The following TTLL5 variants were observed in gnomAD, a reference collection of about 807,000 sequenced individuals.
TTLL5 encodes tubulin polyglutamylase TTLL5.
Under a neutral mutation model 168.4 loss-of-function variants are expected in TTLL5, and 132 were observed. The observed-to-expected ratio is 0.78, with a 90% CI of 0.68 to 0.91. The LOEUF (loss-of-function observed/expected upper bound fraction) is 0.91. Ranked by LOEUF, TTLL5 falls within the 40% of genes least tolerant of loss-of-function variation. The probability of loss-of-function intolerance (pLI) is 0.00; values close to 1 mark genes in which losing one functional copy is unlikely to be tolerated. For synonymous variants in TTLL5, 546 were observed against 558.6 expected, an observed-to-expected ratio of 0.98 and a Z score of 0.32; for missense variants, 1,545 against 1,581.5, an observed-to-expected ratio of 0.98 and a Z score of 0.39.
At chr14:75,734,942 C>A (rs1888789466) in intron 14 of TTLL5, among the ~76,000 whole-genome samples, 1 of 152,224 alleles carries the variant, frequency 6.6e-6, no homozygotes, top group Non-Finnish European at 1.5e-5. Flanking sequence ...CTCTTTCTCA[C>A]TCAGAATCAC....
intron 27 of TTLL5, among the ~76,000 whole-genome samples, chr14:75,799,605 T>G (rs529351674): frequency 1.3e-5 from 2 of 152,326 alleles, no homozygotes; most frequent in African/African-American, 4.8e-5. Context: ...TTGGTGTATT[T>G]CGAGGTTTTG....
rs1555344551 is a variant in TTLL5 at position 75,773,949 on chromosome 14, G to GAGAA, written c.2137-1532_2137-1531insAAGA. Among the ~76,000 whole-genome samples, 163 of 46,324 alleles carry GAGAA rather than the reference G, an allele frequency of 3.5e-3. 3 individuals carry two copies. Among genetic ancestry groups the GAGAA allele is most frequent in the African/African-American group, 9.6e-3 (122 of 12,722 alleles). The allele number at this position is 46,324 out of a possible 152,430, so 30.4% of individuals were successfully genotyped here. A position where few individuals can be genotyped will look rare whatever the true frequency, so the allele number is the denominator to read the frequency against. On this transcript the variant is annotated intron_variant, in intron 21 of 31. Transcript: ENST00000298832. The stretch of plus-strand genomic sequence containing the variant: ...ATATAGAGAGAGAGAGAGAGAGAGA[G>GAGAA]AGAGAGAAAGAGAGAGAGAGAGAGA...
chr14:75,689,911 G>T (rs997424367), intron 5 of TTLL5: 8 of 300,316 alleles, frequency 2.7e-5, no homozygotes, highest in African/African-American at 4.5e-5. Context: ...TGTGGTGGTG[G>T]TTACATAATT....
intron 28 of TTLL5, among the ~76,000 whole-genome samples, chr14:75,857,246 T>C (rs1429906611): frequency 6.6e-6 from 1 of 152,224 alleles, no homozygotes; most frequent in African/African-American, 2.4e-5. Flanking sequence ...ACGGTATTAA[T>C]ATATGACTTT....
intron 31 of TTLL5, among the ~76,000 whole-genome samples, chr14:75,928,423 T>G (rs1341235554): frequency 4.1e-5 from 6 of 146,640 alleles, no homozygotes; most frequent in Non-Finnish European, 1.5e-5. Context: ...ATTTTATTTA[T>G]AAAATTCATC....
intron 21 of TTLL5, 60 bp from the exon 22 acceptor site, chr14:75,775,424 T>A (rs1891658876): frequency 6.3e-7 from 1 of 1,583,242 alleles, no homozygotes; most frequent in African/African-American, 1.4e-5. Flanking sequence ...TCATAGCTTG[T>A]CTTCTGTTGC....
At chr14:75,941,843 C>CTTT (rs71122506) in intron 31 of TTLL5, among the ~76,000 whole-genome samples, 19 of 69,402 alleles carry the variant, frequency 2.7e-4, no homozygotes, top group African/African-American at 4.1e-4. Flanking sequence ...TCATGATGAA[C>CTTT]TTTTTTTTTT....
intron 5 of TTLL5, among the ~76,000 whole-genome samples, chr14:75,686,899 C>T (rs1026933262): frequency 2.0e-5 from 3 of 152,068 alleles, no homozygotes; most frequent in Non-Finnish European, 4.4e-5. Context: ...GTAAAACACA[C>T]AGGGGTCCTA....
chr14:75,900,694 T>A (rs977179376), intron 30 of TTLL5, among the ~76,000 whole-genome samples: 3 of 152,194 alleles, frequency 2.0e-5, no homozygotes, highest in Non-Finnish European at 4.4e-5. Flanking sequence ...AGTCATTATA[T>A]ATGCAATTTC....
chr14:75,876,872 T>A (rs1231680910), intron 29 of TTLL5, among the ~76,000 whole-genome samples: 1 of 152,210 alleles, frequency 6.6e-6, no homozygotes, highest in Non-Finnish European at 1.5e-5. Context: ...TGCATAAAAG[T>A]CTGGATGTGT....
chr14:75,926,156 CTTTTTTTTT>C (rs34048806), intron 31 of TTLL5, among the ~76,000 whole-genome samples: 52 of 29,954 alleles, frequency 1.7e-3, no homozygotes, highest in African/African-American at 9.3e-3. Flanking sequence ...GCAACCCCAG[CTTTTTTTTT>C]TTTTTTTTTT....
At chr14:75,781,784 G>T (rs752887962) in intron 24 of TTLL5, among the ~76,000 whole-genome samples, 2 of 151,970 alleles carry the variant, frequency 1.3e-5, no homozygotes, top group Admixed American at 6.6e-5. Context: ...GTGAAAGCCT[G>T]TCTCTACTAA....
intron 20 of TTLL5, among the ~76,000 whole-genome samples, chr14:75,770,179 GA>G (rs56876692): frequency 0.023 from 1,968 of 84,918 alleles, 18 homozygotes; most frequent in Admixed American, 0.04. Context: ...ACTCTGTCTC[GA>G]AAAAAAAAAA....
intron 31 of TTLL5, among the ~76,000 whole-genome samples, chr14:75,925,730 G>C (rs1364101317): frequency 1.3e-5 from 2 of 152,008 alleles, no homozygotes; most frequent in Admixed American, 6.5e-5. Context: ...AGCAAGCCGA[G>C]ATCACGCCAC....
chr14:75,794,640 G>A (rs1198891702), intron 27 of TTLL5, among the ~76,000 whole-genome samples: 2 of 152,124 alleles, frequency 1.3e-5, no homozygotes, highest in East Asian at 3.9e-4. Context: ...TTCAGTGCCA[G>A]CGAATTAAAA....
intron 21 of TTLL5, among the ~76,000 whole-genome samples, chr14:75,773,927 T>TAGAGAGAGAGAGAG (rs1266575647): frequency 3.8e-4 from 8 of 21,122 alleles, no homozygotes; most frequent in African/African-American, 8.8e-4. Context: ...TATATATATA[T>TAGAGAGAGAGAGAG]AGAGAGAGAG....
chr14:75,770,663 A>G (rs1891249521), intron 20 of TTLL5, among the ~76,000 whole-genome samples: 1 of 152,204 alleles, frequency 6.6e-6, no homozygotes, highest in Non-Finnish European at 1.5e-5. Flanking sequence ...CTGTCTTCCA[A>G]ACTATAGCTT....
At chr14:75,912,731 A>G (rs918655469) in intron 31 of TTLL5, among the ~76,000 whole-genome samples, 18 of 152,334 alleles carry the variant, frequency 1.2e-4, no homozygotes, top group African/African-American at 2.2e-4. Flanking sequence ...TACATACTTT[A>G]TATACAAGAC....
intron 28 of TTLL5, among the ~76,000 whole-genome samples, chr14:75,827,707 CTTTTTTTTTTTTTTTTT>C (rs561078439): frequency 4.5e-3 from 239 of 53,220 alleles, no homozygotes; most frequent in Middle Eastern, 0.022. Context: ...TGGCTTGGTT[CTTTTTTTTTTTTTTTTT>C]TTTTTTTTTT....
Sources: gnomAD v4.1 joint callset for allele counts (sites outside exome capture counted in the v4.1 genomes callset) on GRCh38, gnomAD v4.1.1 for gene constraint, MANE v1.5 for transcripts, NCBI Gene and HGNC (gene_info 2026-07-23, HGNC 2026-07-21) for gene names.